Variants in PRKCI observed in about 807,000 individuals in gnomAD.
PRKCI encodes the protein protein kinase C iota.
Under a neutral mutation model 84.0 loss-of-function variants are expected in PRKCI, and 43 were observed. The ratio of observed to expected loss-of-function variants is 0.51; its 90% CI spans 0.40 to 0.66. The LOEUF is 0.66. PRKCI is among the 30% of genes least tolerant of loss of function. The pLI is 0.00. For synonymous variants in PRKCI, 216 were observed against 234.4 expected (o/e 0.92, Z 0.72); for missense variants, 459 against 745.6 (o/e 0.62, Z 4.48).
intron 1 of PRKCI, among the ~76,000 whole-genome samples, chr3:170,230,356 G>A (rs1732752995): frequency 2.0e-5 from 3 of 151,950 alleles, no homozygotes; most frequent in African/African-American, 7.2e-5. Flanking sequence ...TTTGAGACAA[G>A]GTCTTGCTCA....
chr3:170,229,093 T>G (rs1732716383), intron 1 of PRKCI, among the ~76,000 whole-genome samples: 1 of 152,152 alleles, frequency 6.6e-6, no homozygotes, highest in South Asian at 2.1e-4. Flanking sequence ...TTTCTAGAGA[T>G]AGCCATTGTT....
chr3:170,285,050 C>G (rs1194735969), intron 12 of PRKCI, among the ~76,000 whole-genome samples: 1 of 150,454 alleles, frequency 6.6e-6, no homozygotes, highest in African/African-American at 2.4e-5. Flanking sequence ...ACAAGAATTT[C>G]AGTTACTCCC....
intron 6 of PRKCI, among the ~76,000 whole-genome samples, chr3:170,272,025 G>A (rs1035862214): frequency 2.6e-5 from 4 of 152,134 alleles, no homozygotes; most frequent in African/African-American, 9.7e-5. Flanking sequence ...GTAGAGATGG[G>A]GTTTTTGCCA....
At chr3:170,269,681 G>A (rs1733952080) in intron 5 of PRKCI, among the ~76,000 whole-genome samples, 1 of 152,020 alleles carries the variant, frequency 6.6e-6, no homozygotes, top group Non-Finnish European at 1.5e-5. Context: ...GAGAGACCAA[G>A]TGCGGTGGCT....
intron 2 of PRKCI, among the ~76,000 whole-genome samples, chr3:170,241,210 CTT>C (rs375468073): frequency 7.2e-5 from 11 of 152,112 alleles, no homozygotes; most frequent in African/African-American, 2.7e-4. Flanking sequence ...AAAATCCACT[CTT>C]TTTGTTATTT....
chr3:170,264,300 G>C (rs866606859), intron 4 of PRKCI, among the ~76,000 whole-genome samples: 1 of 151,042 alleles, frequency 6.6e-6, no homozygotes, highest in East Asian at 1.9e-4. Context: ...TTGTTTTTGA[G>C]ACAGAATCTC....
intron 2 of PRKCI, among the ~76,000 whole-genome samples, chr3:170,250,266 T>G (rs1560171579): frequency 1.4e-5 from 2 of 139,300 alleles, no homozygotes; most frequent in Admixed American, 1.5e-4. Context: ...GAGTGAGACT[T>G]GGTCTGAAAA....
chr3:170,303,900 A>C lies in PRKCI; in HGVS notation c.*773A>C, dbSNP rs1356520847. On this transcript the variant is annotated 3_prime_UTR_variant, in exon 18 of 18. Coordinates refer to ENST00000295797, the MANE Select transcript of PRKCI (RefSeq NM_002740.6). ...TAATCCCAGCTACTCGGGAGGCTGA[A>C]ACAGGAGAATCGCTTGAACCCAGGA... The C allele has an allele frequency of 5.9e-6, 1 of 170,726 alleles. No homozygotes were observed. The allele number at this position is 170,726 out of a possible 1,614,324, so 10.6% of individuals were successfully genotyped here. A position where few individuals can be genotyped will look rare whatever the true frequency, so the allele number is the denominator to read the frequency against.
At chr3:170,297,435 A>G in intron 16 of PRKCI, 42 bp downstream of exon 16, 2 of 1,473,966 alleles carry the variant, frequency 1.4e-6, no homozygotes, top group Non-Finnish European at 1.9e-6. Flanking sequence ...TTTCATTATT[A>G]TCTTGGGCCA....
chr3:170,223,305 G>T (rs1453974437), intron 1 of PRKCI, among the ~76,000 whole-genome samples: 1 of 152,150 alleles, frequency 6.6e-6, no homozygotes, highest in African/African-American at 2.4e-5. Context: ...TAGACATAGG[G>T]GTTGTATTTA....
In PRKCI at chr3:170,293,452, A is replaced by G. The variant is rs1161973892; in HGVS notation, c.1361A>G (p.Asp454Gly). Reference protein sequence around the residue: ...FEMMAGRSPFDIVGSSDNPDQ... With the variant: ...FEMMAGRSPFGIVGSSDNPDQ... ...ATGATGGCAGGAAGGTCTCCATTTG[A>G]TATTGTTGGGAGCTCCGATAACCCT... is the stretch of plus-strand genomic sequence containing the variant. The change falls in exon 14 of 18, where the codon GAT becomes GGT. Residue 454 changes from aspartate (D) to glycine (G), a missense_variant. Asp to Gly is a moderately conservative substitution (Grantham distance 94). This residue lies in a region of PRKCI where 209 missense variants were observed against 425.9 expected (regional missense o/e 0.49). Transcript: ENST00000295797. The G allele has an allele frequency of 6.2e-7, 1 of 1,613,514 alleles. No individual in the cohort carries two copies. Among genetic ancestry groups the G allele is most frequent in the Non-Finnish European group, 8.5e-7 (1 of 1,179,580 alleles).
In PRKCI at chr3:170,262,998, G is replaced by A. The variant is rs533653856; in HGVS notation, c.314-381G>A. Among the ~76,000 whole-genome samples the A allele has an allele frequency of 8.2e-4, 124 of 151,498 alleles. No homozygotes were observed. The Middle Eastern group carries it at 0.01, about 12-fold the overall frequency. On this transcript the variant is annotated intron_variant, in intron 3 of 17. Transcript: ENST00000295797. ...ATCCTGGCTAACACGGTGAAACCCC[G>A]TCTCTACTAAAAATACAAAAATTAG...
chr3:170,251,007 T>C (rs1476888562), intron 2 of PRKCI, among the ~76,000 whole-genome samples: 2 of 152,152 alleles, frequency 1.3e-5, no homozygotes, highest in Non-Finnish European at 2.9e-5. Context: ...CTTTCCTTCC[T>C]ACAGATTGAA....
chr3:170,255,311 C>T (rs1463984674), intron 2 of PRKCI, among the ~76,000 whole-genome samples: 6 of 152,080 alleles, frequency 3.9e-5, no homozygotes, highest in Admixed American at 6.6e-5. Context: ...CCTCCCACCT[C>T]GGCCTCCCAA....
chr3:170,288,129 C>T (rs143120710), intron 12 of PRKCI, among the ~76,000 whole-genome samples: 2,337 of 151,664 alleles, frequency 0.015, 38 homozygotes, highest in East Asian at 0.084. Flanking sequence ...GCCTGTAGTC[C>T]CAGCTACTCG....
rs1734879691 is a variant in PRKCI at position 170,303,678 on chromosome 3, A to G, written c.*551A>G. On this transcript the variant is annotated 3_prime_UTR_variant, in exon 18 of 18. Transcript: ENST00000295797. ...TTAAGGCAGCAGTTATTAAATTGGT[A>G]ATAGAAGATGCTGCTTGCTTAGAAT... 4.5e-6 allele frequency: 1 copy of G among 220,642 alleles called. No individual in the cohort carries two copies. The highest frequency in any genetic ancestry group is 2.2e-5 in the African/African-American group (1 of 44,692). The allele number at this position is 220,642 out of a possible 1,614,324, so 13.7% of individuals were successfully genotyped here.
At chr3:170,302,899 A>G in intron 17 of PRKCI, 141 bp from the exon 18 acceptor site, 1 of 547,402 alleles carries the variant, frequency 1.8e-6, no homozygotes, top group Non-Finnish European at 3.0e-6. Context: ...CGTCTAGAAA[A>G]TCTGGGGGAT....
chr3:170,268,057 C>A, intron 5 of PRKCI, 57 bp downstream of exon 5: 1 of 1,365,424 alleles, frequency 7.3e-7, no homozygotes, highest in Non-Finnish European at 1.0e-6. Flanking sequence ...TCCCTTTCTA[C>A]TATGAAAGAA....
intron 5 of PRKCI, 34 bp from the exon 6 acceptor site, chr3:170,270,387 G>C (rs373133670): frequency 2.7e-5 from 43 of 1,564,364 alleles, no homozygotes; most frequent in Non-Finnish European, 3.7e-5. Context: ...TGACCTTCTT[G>C]GTTAATAAAA....
Sources: gnomAD v4.1 joint callset for allele counts (sites outside exome capture counted in the v4.1 genomes callset) on GRCh38, gnomAD v4.1.1 for gene constraint, gnomAD v4.1.1 regional missense constraint, MANE v1.5 for transcripts, NCBI Gene and HGNC (gene_info 2026-07-23, HGNC 2026-07-21) for gene names.